CHM: variants seen among roughly 807,000 people sequenced by gnomAD.
CHM encodes CHM Rab escort protein, also known as rab proteins geranylgeranyltransferase component A 1.
In CHM, 10 loss-of-function variants were observed where a neutral mutation model predicts 49.0. That is an observed-to-expected ratio of 0.20 (90% confidence interval 0.13 to 0.35). The LOEUF is 0.35. Among genes scored for constraint, CHM ranks in the 10% least tolerant of loss-of-function variants. The pLI, the probability that CHM is intolerant of heterozygous loss-of-function variation, is 1.00. For synonymous variants in CHM, 184 were observed against 167.5 expected (o/e 1.10, Z -0.76); for missense variants, 455 against 478.4 (o/e 0.95, Z 0.46).
At chrX:85,961,300 G>GTCC (rs1930281124) in intron 5 of CHM, among the ~76,000 whole-genome samples, 1 of 107,558 alleles carries the variant, frequency 9.3e-6, no homozygotes. Context: ...CGCGCCTGTA[G>GTCC]TCCTAGCTAC....
intron 2 of CHM, among the ~76,000 whole-genome samples, chrX:85,995,559 G>A (rs1016591764): frequency 1.4e-4 from 16 of 111,990 alleles, no homozygotes; most frequent in Non-Finnish European, 2.3e-4. Context: ...GTTGTCAAAT[G>A]GACCTAGATT....
chrX:85,982,079 T>C (rs1217120186), intron 2 of CHM, among the ~76,000 whole-genome samples: 1 of 112,056 alleles, frequency 8.9e-6, no homozygotes, highest in African/African-American at 3.3e-5. Context: ...CCACTGATTA[T>C]GTGAACCGCC....
At chrX:85,960,868 G>T (rs1376250313) in intron 5 of CHM, among the ~76,000 whole-genome samples, 2 of 111,663 alleles carry the variant, frequency 1.8e-5, no homozygotes, top group Non-Finnish European at 3.8e-5. Flanking sequence ...ATTATTAAGA[G>T]TATGGACTTA....
At chrX:85,867,916 G>T (rs972399481) in intron 14 of CHM, among the ~76,000 whole-genome samples, 1 of 111,451 alleles carries the variant, frequency 9.0e-6, no homozygotes, top group Non-Finnish European at 1.9e-5. Context: ...ATACTTAATT[G>T]ACAAAAAGTA....
intron 1 of CHM, among the ~76,000 whole-genome samples, chrX:86,038,761 G>T (rs1200374150): frequency 8.9e-6 from 1 of 111,843 alleles, no homozygotes; most frequent in African/African-American, 3.3e-5. Flanking sequence ...TCAAAAGAAG[G>T]TTTGCAAGCT....
chrX:85,906,458 A>G (rs188510353), intron 9 of CHM, among the ~76,000 whole-genome samples: 31 of 112,065 alleles, frequency 2.8e-4, no homozygotes, highest in African/African-American at 9.7e-4. Flanking sequence ...TAATACTTAT[A>G]ATAACCCTAT....
intron 13 of CHM, among the ~76,000 whole-genome samples, chrX:85,874,663 A>G (rs1465417932): frequency 9.0e-6 from 1 of 111,667 alleles, no homozygotes; most frequent in Non-Finnish European, 1.9e-5. Flanking sequence ...GAAGAAACTG[A>G]GTGGAAGAAG....
At chrX:85,894,112 C>T in intron 12 of CHM, 76 bp downstream of exon 12, 1 of 722,252 alleles carries the variant, frequency 1.4e-6, no homozygotes, top group Non-Finnish European at 2.2e-6. Flanking sequence ...CAAATACAAC[C>T]TTCACAACTG....
chrX:85,879,115 T>C (rs1405727411), intron 12 of CHM, 52 bp from the exon 13 acceptor site: 5 of 871,528 alleles, frequency 5.7e-6, no homozygotes, highest in Non-Finnish European at 8.3e-6. Context: ...CTATTTTACT[T>C]ATACTTAAGG....
intron 2 of CHM, among the ~76,000 whole-genome samples, chrX:86,008,769 A>G (rs1285874889): frequency 8.9e-6 from 1 of 111,906 alleles, no homozygotes; most frequent in African/African-American, 3.2e-5. Context: ...TTGTCTAACA[A>G]AAGCAGACAG....
intron 12 of CHM, among the ~76,000 whole-genome samples, chrX:85,886,197 A>C (rs758260698): frequency 1.5e-4 from 17 of 111,574 alleles, no homozygotes; most frequent in Non-Finnish European, 2.6e-4. Flanking sequence ...ATTATGAGTA[A>C]TGTCAAATTC....
At chrX:86,026,102 C>CTTTTTTTTTTTTTTTTT (rs1167691945) in intron 2 of CHM, among the ~76,000 whole-genome samples, 2 of 26,761 alleles carry the variant, frequency 7.5e-5, no homozygotes, top group Non-Finnish European at 1.5e-4. Flanking sequence ...AGCAGATTTT[C>CTTTTTTTTTTTTTTTTT]TTTTTTTTTT....
chrX:86,019,403 T>C (rs1246967000), intron 2 of CHM, among the ~76,000 whole-genome samples: 1 of 111,096 alleles, frequency 9.0e-6, no homozygotes, highest in Non-Finnish European at 1.9e-5. Context: ...TTCAAAAAGT[T>C]AGAAAAAGCA....
chrX:85,886,469 T>G lies in CHM; in HGVS notation c.1511-7406A>C, dbSNP rs758736799. ...AGAATGACTGTGTAACATTCTAAAC[T>G]ATATAATTTGCCCATAATTGGGGAG... is the stretch of plus-strand genomic sequence containing the variant. On this transcript the variant is annotated intron_variant, in intron 12 of 14. Coordinates refer to ENST00000357749, the MANE Select transcript of CHM (RefSeq NM_000390.4). Among the ~76,000 whole-genome samples, 28 of 112,093 alleles carry G rather than the reference T, an allele frequency of 2.5e-4. 1 individual carries two copies. Among genetic ancestry groups the G allele is most frequent in the South Asian group, 1.1e-3 (3 of 2,697 alleles).
At chrX:86,019,145 T>C (rs1287707120) in intron 2 of CHM, among the ~76,000 whole-genome samples, 1 of 111,832 alleles carries the variant, frequency 8.9e-6, no homozygotes, top group Non-Finnish European at 1.9e-5. Context: ...TTGTGTCATT[T>C]GCATGTTCTG....
chrX:86,001,762 G>A (rs1932732286), intron 2 of CHM, among the ~76,000 whole-genome samples: 1 of 110,006 alleles, frequency 9.1e-6, no homozygotes, highest in South Asian at 3.9e-4. Flanking sequence ...ATTTCAACAT[G>A]AAATTTGGAG....
intron 1 of CHM, among the ~76,000 whole-genome samples, chrX:86,038,094 GAA>G (rs1934317997): frequency 8.9e-6 from 1 of 111,859 alleles, no homozygotes; most frequent in African/African-American, 3.3e-5. Flanking sequence ...AAACCAAAAG[GAA>G]AAGTCAAGTT....
chrX:85,919,025 C>T lies in CHM; in HGVS notation c.1167-7687G>A, dbSNP rs147787805. ...GAATTCAGAACACCCTACCCAACAA[C>T]GACAGAATATACAATATTCTTATCT... On this transcript the variant is annotated intron_variant, in intron 8 of 14. Transcript: ENST00000357749. Among the ~76,000 whole-genome samples the T allele has an allele frequency of 7.1e-3, 794 of 111,672 alleles. 7 individuals are homozygous for T. Among genetic ancestry groups the T allele is most frequent in the African/African-American group, 0.024 (750 of 30,716 alleles).
intron 14 of CHM, among the ~76,000 whole-genome samples, chrX:85,872,791 C>A (rs770531089): frequency 9.0e-6 from 1 of 111,677 alleles, no homozygotes; most frequent in Non-Finnish European, 1.9e-5. Context: ...TTTTTAGCAT[C>A]TTCTATCGTC....
Sources: allele counts gnomAD v4.1 joint callset (sites outside exome capture counted in the v4.1 genomes callset), GRCh38; gene constraint gnomAD v4.1.1; transcripts MANE v1.5; gene names NCBI Gene and HGNC (gene_info 2026-07-23, HGNC 2026-07-21).